IFNGR2: variants seen among roughly 807,000 people sequenced by gnomAD.
The protein encoded by IFNGR2 is IFN-gamma receptor 2.
Under a neutral mutation model 41.1 loss-of-function variants are expected in IFNGR2, and 15 were observed. That is an observed-to-expected ratio of 0.37 (90% CI 0.24 to 0.56). The LOEUF (loss-of-function observed/expected upper bound fraction) is 0.56. IFNGR2 is among the 20% of genes least tolerant of loss of function. The pLI, the probability that IFNGR2 is intolerant of heterozygous loss-of-function variation, is 0.81. For synonymous variants in IFNGR2, 161 were observed against 171.6 expected (o/e 0.94, Z 0.48); for missense variants, 362 against 415.7 (o/e 0.87, Z 1.12).
intron 1 of IFNGR2, among the ~76,000 whole-genome samples, chr21:33,413,246 C>G (rs577267744): frequency 1.8e-4 from 28 of 152,296 alleles, no homozygotes; most frequent in Non-Finnish European, 3.8e-4. Flanking sequence ...ACCTGGTGGG[C>G]CTGCCTCTTG....
rs1404983402 is a variant in IFNGR2 at position 33,420,168 on chromosome 21, T to A, written c.207-1312T>A. 3.3e-5 allele frequency among the ~76,000 whole-genome samples: 5 copies of A among 152,098 alleles called. No homozygotes were observed. In the South Asian group the frequency reaches 8.3e-4, roughly 25 times the overall value. ...CCTTGCAACTTAAGCGGAAGATGCATCTTGGAGAGGGTCGGAGGTACAGTT... is the reference window on the plus strand; with the variant it reads ...CCTTGCAACTTAAGCGGAAGATGCAACTTGGAGAGGGTCGGAGGTACAGTT... On this transcript the variant is annotated intron_variant, in intron 2 of 6. Transcript: ENST00000290219.
intron 3 of IFNGR2, among the ~76,000 whole-genome samples, chr21:33,424,417 G>A (rs1222117509): frequency 6.6e-6 from 1 of 152,226 alleles, no homozygotes; most frequent in Non-Finnish European, 1.5e-5. Context: ...CTTCCGGCCG[G>A]AGTCAAGCAC....
rs776100105 is a variant in IFNGR2, at chr21:33,421,484, G to A, written c.211G>A (p.Asp71Asn). 2.1e-5 allele frequency: 34 copies of A among 1,613,166 alleles called. No homozygotes were observed. In the South Asian group the frequency reaches 2.2e-4, roughly 10 times the overall value. Residue 71 changes from aspartate to asparagine, a missense_variant, in exon 3 of 7, where the codon GAC (aspartate) becomes AAC (asparagine). Coordinates refer to ENST00000290219, the MANE Select transcript of IFNGR2 (RefSeq NM_005534.4). ...VVYQVQFKYT[D>N]SKWFTADIMS... is the part of the protein sequence containing the mutation. The stretch of plus-strand genomic sequence containing the variant: ...AAATCCTTTTTTCCTTCCCAGCACC[G>A]ACAGTAAATGGTTCACGGCCGACAT...
intron 3 of IFNGR2, 72 bp downstream of exon 3, chr21:33,421,757 C>A: frequency 8.8e-7 from 1 of 1,136,124 alleles, no homozygotes; most frequent in Non-Finnish European, 1.3e-6. Flanking sequence ...CGACTCCACA[C>A]ACCTCTGTCC....
At position 33,436,895 on chromosome 21, in the gene IFNGR2, T is replaced by C. The variant is rs751584676; in HGVS notation, c.947T>C (p.Val316Ala). The C allele has an allele frequency of 1.2e-6, 2 of 1,613,974 alleles. No homozygotes were observed. Among genetic ancestry groups the C allele is most frequent in the Non-Finnish European group, 8.5e-7 (1 of 1,179,872 alleles). Residue 316 changes from valine to alanine, a missense_variant, in exon 7 of 7, where the codon GTC (valine) becomes GCC (alanine). Physicochemically the swap from Val to Ala is moderately conservative, Grantham distance 64. Transcript: ENST00000290219. The part of the protein sequence containing the change: ...LDKDSSPKDD[V>A]WDSVSIISFP... ...AAGGACAGCTCACCAAAGGATGACG[T>C]CTGGGACTCTGTGTCCATTATCTCG...
At position 33,431,431 on chromosome 21, in the gene IFNGR2, A is replaced by G. The variant is rs552313026; in HGVS notation, c.562-746A>G. Among the ~76,000 whole-genome samples the G allele has an allele frequency of 5.3e-5, 8 of 152,230 alleles. 1 individual carries two copies. The highest frequency in any genetic ancestry group is 1.9e-4 in the African/African-American group (8 of 41,556). ...CTAAAAATACAAAAATGAGCCAGACATGATGGTGGGTGTCTATAATCCCAA... is the reference window on the plus strand; with the variant it reads ...CTAAAAATACAAAAATGAGCCAGACGTGATGGTGGGTGTCTATAATCCCAA... On this transcript the variant is annotated intron_variant, in intron 4 of 6. Coordinates refer to ENST00000290219, the MANE Select transcript of IFNGR2 (RefSeq NM_005534.4).
chr21:33,436,617 A>C (rs2083954155), intron 6 of IFNGR2, among the ~76,000 whole-genome samples: 1 of 151,700 alleles, frequency 6.6e-6, no homozygotes. Context: ...AGCTACTTGG[A>C]GGATTGAGGC....
chr21:33,410,869 G>A (rs2123333132), intron 1 of IFNGR2: 2 of 1,547,990 alleles, frequency 1.3e-6, no homozygotes, highest in Non-Finnish European at 1.7e-6. Context: ...CAAGAATGGT[G>A]CAATGATTCA....
chr21:33,403,539 G>A lies in IFNGR2; in HGVS notation c.-5G>A. 7.6e-7 allele frequency: 1 copy of A among 1,310,118 alleles called. No homozygotes were observed. The highest frequency in any genetic ancestry group is 9.8e-7 in the Non-Finnish European group (1 of 1,022,510). 81.2% of individuals were successfully genotyped at this position (1,310,118 alleles called of 1,614,324 possible). ...GACCTGAGCCGCCGCCGAGCGCCCG[G>A]GGCCATGCGACCGACGCTGCTGTGG... is the stretch of plus-strand genomic sequence containing the variant. On this transcript the variant is annotated 5_prime_UTR_variant, in exon 1 of 7. Transcript: ENST00000290219.
Position 33,423,158 on chromosome 21 carries a change from G to A in IFNGR2, c.412+1473G>A, listed in dbSNP as rs573685119. 2.0e-4 allele frequency among the ~76,000 whole-genome samples: 29 copies of A among 147,870 alleles called. No homozygotes were observed. The East Asian group carries it at 5.4e-3, about 27-fold the overall frequency. ...AGGTTCACGCCATTCTCCTGCCTCA[G>A]CCTCCCGAGTAGCTGGGACTACAGG... On this transcript the variant is annotated intron_variant, in intron 3 of 6. Coordinates refer to ENST00000290219, the MANE Select transcript of IFNGR2 (RefSeq NM_005534.4).
rs143198588 is a variant in IFNGR2 at position 33,436,866 on chromosome 21, G to A, written c.918G>A (p.Leu306=). ...CAACTCAGCCCATCTTAGAGGCCTT[G>A]GACAAGGACAGCTCACCAAAGGATG... ...KDPTQPILEA[L]DKDSSPKDDV... is the part of the protein sequence containing the mutation. The change falls in exon 7 of 7, where the codon TTG becomes TTA. Residue 306 remains leucine (L), a synonymous_variant. Coordinates refer to ENST00000290219, the MANE Select transcript of IFNGR2 (RefSeq NM_005534.4). The A allele has an allele frequency of 1.5e-5, 24 of 1,613,940 alleles. No homozygotes were observed. The East Asian group carries it at 3.1e-4, about 21-fold the overall frequency.
chr21:33,419,469 G>C (rs2083775693), intron 2 of IFNGR2, among the ~76,000 whole-genome samples: 1 of 151,932 alleles, frequency 6.6e-6, no homozygotes, highest in Non-Finnish European at 1.5e-5. Flanking sequence ...TTGTGTGTGT[G>C]TGTGTGTGTG....
chr21:33,413,386 A>T (rs924996609), intron 1 of IFNGR2, among the ~76,000 whole-genome samples: 2 of 152,166 alleles, frequency 1.3e-5, no homozygotes, highest in African/African-American at 4.8e-5. Context: ...GGGGCATCCT[A>T]TAACTAAACA....
intron 2 of IFNGR2, among the ~76,000 whole-genome samples, chr21:33,416,273 AG>A (rs994031164): frequency 6.6e-6 from 1 of 152,246 alleles, no homozygotes; most frequent in Admixed American, 6.5e-5. Context: ...ATCCATCAGT[AG>A]GAAAGTGACC....
At chr21:33,432,427 G>T (rs1425589565) in intron 5 of IFNGR2, 91 bp downstream of exon 5, 1 of 1,276,434 alleles carries the variant, frequency 7.8e-7, no homozygotes, top group Non-Finnish European at 1.1e-6. Flanking sequence ...GTCATGGGTG[G>T]TGGGAGTGGG....
chr21:33,409,765 G>A (rs373808944), intron 1 of IFNGR2, among the ~76,000 whole-genome samples: 11 of 152,304 alleles, frequency 7.2e-5, no homozygotes, highest in African/African-American at 2.4e-4. Context: ...CTCAGGTCAT[G>A]CTTATATGTG....
chr21:33,418,046 A>C (rs571148604), intron 2 of IFNGR2, among the ~76,000 whole-genome samples: 1 of 152,086 alleles, frequency 6.6e-6, no homozygotes, highest in East Asian at 1.9e-4. Flanking sequence ...ATTTTGAGAC[A>C]GAGTCTCGCT....
At chr21:33,416,151 C>T (rs965388191) in intron 2 of IFNGR2, among the ~76,000 whole-genome samples, 2 of 152,124 alleles carry the variant, frequency 1.3e-5, no homozygotes, top group African/African-American at 2.4e-5. Flanking sequence ...CATGAGCCAC[C>T]GTGCCCAGCC....
In IFNGR2 at chr21:33,434,809, C is replaced by T. The variant is rs17885472; in HGVS notation, c.879+1938C>T. 1.9e-3 allele frequency among the ~76,000 whole-genome samples: 287 copies of T among 152,282 alleles called. 3 individuals are homozygous for T. Among genetic ancestry groups the T allele is most frequent in the Non-Finnish European group, 2.5e-3 (172 of 68,034 alleles). On this transcript the variant is annotated intron_variant, in intron 6 of 6. Coordinates refer to ENST00000290219, the MANE Select transcript of IFNGR2 (RefSeq NM_005534.4). ...CACAAAATCACAGCTCCTAACAGGT[C>T]TCAGAATCTTACTTGCAGTAATAAT...
Sources: allele counts gnomAD v4.1 joint callset (sites outside exome capture counted in the v4.1 genomes callset), GRCh38; gene constraint gnomAD v4.1.1; transcripts MANE v1.5; gene names NCBI Gene and HGNC (gene_info 2026-07-23, HGNC 2026-07-21).